The following HS3ST4 variants were observed in gnomAD, a reference collection of about 807,000 sequenced individuals.
HS3ST4 encodes heparan sulfate glucosamine 3-O-sulfotransferase 4.
In HS3ST4, 17 loss-of-function variants were observed where a neutral mutation model predicts 29.2. That is an observed-to-expected ratio of 0.58 (90% confidence interval 0.40 to 0.87). HS3ST4 has a LOEUF of 0.87. Among genes scored for constraint, HS3ST4 ranks in the 40% least tolerant of loss-of-function variants. The pLI is 0.00. For synonymous variants in HS3ST4, 314 were observed against 285.7 expected (o/e 1.10, Z -1.00); for missense variants, 627 against 634.5 (o/e 0.99, Z 0.13).
At chr16:25,994,003 T>G (rs1430178102) in intron 1 of HS3ST4, among the ~76,000 whole-genome samples, 1 of 121,230 alleles carries the variant, frequency 8.2e-6, no homozygotes, top group Non-Finnish European at 1.8e-5. Context: ...TGTGTGTGTG[T>G]GTGTGGTGGA....
chr16:25,959,283 A>T (rs187961675), intron 1 of HS3ST4, among the ~76,000 whole-genome samples: 1 of 152,242 alleles, frequency 6.6e-6, no homozygotes, highest in African/African-American at 2.4e-5. Context: ...ATTTTAGACA[A>T]TCCTTAAACA....
intron 1 of HS3ST4, among the ~76,000 whole-genome samples, chr16:26,075,764 G>A (rs1242141293): frequency 4.6e-5 from 7 of 152,088 alleles, no homozygotes; most frequent in East Asian, 1.9e-4. Flanking sequence ...ATTCTCAAAC[G>A]CCTCAATTAT....
chr16:25,856,551 G>A lies in HS3ST4; in HGVS notation c.734+163400G>A, dbSNP rs377205941. On this transcript the variant is annotated intron_variant, in intron 1 of 1. Transcript: ENST00000331351. ...GAGGACATGGAAGCTTTACACCAGC[G>A]GTGTCCAATCTTTTGACTTCCTGGG... Among the ~76,000 whole-genome samples, 5 of 152,246 alleles carry A rather than the reference G, an allele frequency of 3.3e-5. No homozygotes were observed. In the East Asian group the frequency reaches 5.8e-4, roughly 18 times the overall value.
At chr16:26,000,560 A>G (rs187915698) in intron 1 of HS3ST4, among the ~76,000 whole-genome samples, 1 of 152,266 alleles carries the variant, frequency 6.6e-6, no homozygotes, top group African/African-American at 2.4e-5. Flanking sequence ...GAGAAGTGGG[A>G]TCTGCTCCAT....
intron 1 of HS3ST4, among the ~76,000 whole-genome samples, chr16:25,940,250 A>G (rs574137831): frequency 7.9e-6 from 1 of 127,370 alleles, no homozygotes; most frequent in East Asian, 2.1e-4. Flanking sequence ...AGCTAAGTCC[A>G]GTGAATTAGT....
At chr16:25,779,764 A>G (rs1966850983) in intron 1 of HS3ST4, among the ~76,000 whole-genome samples, 1 of 152,216 alleles carries the variant, frequency 6.6e-6, no homozygotes. Flanking sequence ...TTCACTCCAT[A>G]AAGCCAGGCA....
intron 1 of HS3ST4, among the ~76,000 whole-genome samples, chr16:25,755,940 A>G (rs906436208): frequency 6.6e-6 from 1 of 152,200 alleles, no homozygotes; most frequent in African/African-American, 2.4e-5. Context: ...TTATGTCTTC[A>G]TCAGACACAA....
chr16:25,780,518 TTTA>T (rs1051554809), intron 1 of HS3ST4, among the ~76,000 whole-genome samples: 1 of 152,182 alleles, frequency 6.6e-6, no homozygotes, highest in African/African-American at 2.4e-5. Flanking sequence ...CATTATTATT[TTTA>T]TTATTTAAGC....
chr16:26,014,007 A>AAAAT (rs142700276), intron 1 of HS3ST4, among the ~76,000 whole-genome samples: 4,456 of 145,620 alleles, frequency 0.031, 104 homozygotes, highest in Middle Eastern at 0.046. Context: ...ACTCTGTCTC[A>AAAAT]AAATAAATAA....
chr16:25,813,836 T>G (rs1967066196), intron 1 of HS3ST4, among the ~76,000 whole-genome samples: 1 of 152,158 alleles, frequency 6.6e-6, no homozygotes, highest in Non-Finnish European at 1.5e-5. Context: ...AACCCAAATG[T>G]CCATTATCGG....
chr16:26,074,728 A>G (rs1898639571), intron 1 of HS3ST4, among the ~76,000 whole-genome samples: 1 of 152,130 alleles, frequency 6.6e-6, no homozygotes, highest in Non-Finnish European at 1.5e-5. Flanking sequence ...CACACAATGC[A>G]ATGTATTACC....
intron 1 of HS3ST4, among the ~76,000 whole-genome samples, chr16:25,867,277 T>C (rs1967705172): frequency 6.6e-6 from 1 of 152,098 alleles, no homozygotes; most frequent in Non-Finnish European, 1.5e-5. Context: ...GAAAGGATGA[T>C]CTCTGGAGAG....
intron 1 of HS3ST4, among the ~76,000 whole-genome samples, chr16:25,742,695 A>G (rs1271886293): frequency 2.6e-5 from 4 of 152,208 alleles, no homozygotes; most frequent in Admixed American, 2.0e-4. Flanking sequence ...GGCTATTTCC[A>G]TGCTTAGCTG....
chr16:26,054,132 G>T (rs1898377868), intron 1 of HS3ST4, among the ~76,000 whole-genome samples: 4 of 152,130 alleles, frequency 2.6e-5, no homozygotes, highest in Admixed American at 2.6e-4. Flanking sequence ...ATCCTACCAG[G>T]TGCCCTGGGC....
chr16:25,706,824 A>G (rs1376350488), intron 1 of HS3ST4, among the ~76,000 whole-genome samples: 3 of 152,224 alleles, frequency 2.0e-5, no homozygotes, highest in African/African-American at 4.8e-5. Context: ...GTTGGAGCCA[A>G]TGTAATTCCA....
intron 1 of HS3ST4, among the ~76,000 whole-genome samples, chr16:25,936,901 A>G (rs1404988866): frequency 2.0e-5 from 3 of 152,238 alleles, no homozygotes; most frequent in Admixed American, 2.0e-4. Context: ...AAGAACGGAA[A>G]TGGAAAGTAC....
intron 1 of HS3ST4, among the ~76,000 whole-genome samples, chr16:25,849,973 T>C (rs921703704): frequency 1.3e-5 from 2 of 151,486 alleles, no homozygotes; most frequent in African/African-American, 4.8e-5. Flanking sequence ...TTTTATGTCG[T>C]ATAATGAAAA....
intron 1 of HS3ST4, among the ~76,000 whole-genome samples, chr16:25,930,680 C>A (rs11074733): frequency 0.37 from 55,516 of 151,984 alleles, 12,414 homozygotes; most frequent in Non-Finnish European, 0.52. Flanking sequence ...CTGTCTTTTC[C>A]TATCTCCTTG....
chr16:25,999,892 A>G (rs1423925631), intron 1 of HS3ST4, among the ~76,000 whole-genome samples: 1 of 120,632 alleles, frequency 8.3e-6, no homozygotes, highest in African/African-American at 3.3e-5. Context: ...TTATATATAT[A>G]TATTTTATAT....
Sources: allele counts gnomAD v4.1 joint callset (sites outside exome capture counted in the v4.1 genomes callset), GRCh38; gene constraint gnomAD v4.1.1; transcripts MANE v1.5; gene names NCBI Gene and HGNC (gene_info 2026-07-23, HGNC 2026-07-21).